The following ADGRL3 variants were observed in gnomAD, a reference collection of about 807,000 sequenced individuals.
ADGRL3 encodes calcium-independent alpha-latrotoxin receptor 3.
ADGRL3 carries 62 observed loss-of-function variants against 153.5 expected under a neutral mutation model. That is an observed-to-expected ratio of 0.40 (90% CI 0.33 to 0.50). The LOEUF (loss-of-function observed/expected upper bound fraction) is 0.50. ADGRL3 is among the 20% of genes least tolerant of loss of function. The pLI, the probability that ADGRL3 is intolerant of heterozygous loss-of-function variation, is 0.47. For synonymous variants in ADGRL3, 710 were observed against 672.5 expected (o/e 1.06, Z -0.86); for missense variants, 1,641 against 1,859.4 (o/e 0.88, Z 2.16).
chr4:61,444,617 T>A, intron 2 of ADGRL3, among the ~76,000 whole-genome samples: 1 of 152,282 alleles, frequency 6.6e-6, no homozygotes, highest in Middle Eastern at 3.4e-3. Flanking sequence ...CCCTCTCCCA[T>A]GCATATGTTC....
intron 25 of ADGRL3, among the ~76,000 whole-genome samples, chr4:62,051,172 A>C (rs1214976168): frequency 1.7e-5 from 2 of 118,194 alleles, no homozygotes; most frequent in Non-Finnish European, 3.8e-5. Flanking sequence ...GTGTGTGTAT[A>C]TATATATATA....
rs531279924 is a variant in ADGRL3 at position 61,954,330 on chromosome 4, G to A, written c.2805+6054G>A. On this transcript the variant is annotated intron_variant, in intron 17 of 26. Coordinates refer to ENST00000683033, the MANE Select transcript of ADGRL3 (RefSeq NM_001387552.1). The stretch of plus-strand genomic sequence containing the variant: ...TTCTCAACATCCTCCCTACCACCTA[G>A]GTTTAAACCTCTATCATCTCCCCTC... Among the ~76,000 whole-genome samples, 3 of 151,688 alleles carry A rather than the reference G, an allele frequency of 2.0e-5. No homozygotes were observed. In the South Asian group the frequency reaches 6.3e-4, roughly 32 times the overall value.
chr4:61,248,093 C>T (rs1757794755), intron 1 of ADGRL3, among the ~76,000 whole-genome samples: 1 of 152,066 alleles, frequency 6.6e-6, no homozygotes, highest in Non-Finnish European at 1.5e-5. Flanking sequence ...GGGCGAACTG[C>T]TCTATGTGTG....
intron 8 of ADGRL3, among the ~76,000 whole-genome samples, chr4:61,776,295 C>G (rs1422038313): frequency 6.6e-6 from 1 of 152,208 alleles, no homozygotes; most frequent in Non-Finnish European, 1.5e-5. Flanking sequence ...GTAAAATTTT[C>G]TAAACCTAAC....
intron 17 of ADGRL3, among the ~76,000 whole-genome samples, chr4:61,952,020 T>C (rs2098949068): frequency 6.6e-6 from 1 of 152,192 alleles, no homozygotes; most frequent in South Asian, 2.1e-4. Context: ...AAGATATAAA[T>C]GGCTTATTAC....
At chr4:61,741,845 G>A (rs1050927835) in intron 8 of ADGRL3, among the ~76,000 whole-genome samples, 8 of 152,212 alleles carry the variant, frequency 5.3e-5, no homozygotes, top group Non-Finnish European at 7.3e-5. Context: ...ACGCTCTAAC[G>A]TTAGTTGTGT....
chr4:61,972,504 T>C (rs2150687490), intron 17 of ADGRL3, among the ~76,000 whole-genome samples: 1 of 152,276 alleles, frequency 6.6e-6, no homozygotes, highest in Non-Finnish European at 1.5e-5. Context: ...TCTGTTCTGT[T>C]CCATTGATCT....
At chr4:61,964,528 T>C (rs1267873124) in intron 17 of ADGRL3, among the ~76,000 whole-genome samples, 2 of 152,018 alleles carry the variant, frequency 1.3e-5, no homozygotes, top group Non-Finnish European at 2.9e-5. Flanking sequence ...CATAATGAAA[T>C]TGTCTAATAA....
At chr4:61,266,174 T>C (rs1162424206) in intron 1 of ADGRL3, among the ~76,000 whole-genome samples, 2 of 151,792 alleles carry the variant, frequency 1.3e-5, no homozygotes, top group Admixed American at 6.6e-5. Context: ...TTCTGCTTCA[T>C]GCCTCCTCTA....
At chr4:61,908,456 G>C (rs184508206) in intron 11 of ADGRL3, among the ~76,000 whole-genome samples, 97 of 152,084 alleles carry the variant, frequency 6.4e-4, no homozygotes, top group Non-Finnish European at 8.2e-4. Flanking sequence ...AATTAGCTGA[G>C]CATGGTGGCG....
At chr4:61,349,866 A>C (rs2096004177) in intron 1 of ADGRL3, among the ~76,000 whole-genome samples, 1 of 152,144 alleles carries the variant, frequency 6.6e-6, no homozygotes, top group Admixed American at 6.5e-5. Context: ...AGATGAATGA[A>C]TGACTATTTC....
At chr4:62,063,753 C>G in intron 25 of ADGRL3, 1 of 476,670 alleles carries the variant, frequency 2.1e-6, no homozygotes, top group Admixed American at 3.6e-5. Context: ...CCTGCAGACT[C>G]CTTTCGCATT....
intron 8 of ADGRL3, among the ~76,000 whole-genome samples, chr4:61,757,716 G>A (rs1222149585): frequency 6.6e-6 from 1 of 152,074 alleles, no homozygotes; most frequent in African/African-American, 2.4e-5. Flanking sequence ...TGATGTTAGG[G>A]TGTAAATTTT....
intron 9 of ADGRL3, among the ~76,000 whole-genome samples, chr4:61,870,021 AAG>A: frequency 6.8e-6 from 1 of 147,684 alleles, no homozygotes; most frequent in East Asian, 2.0e-4. Flanking sequence ...AAAGGAAAGA[AAG>A]AAGAAAGAAA....
At chr4:61,971,025 A>T (rs2099025182) in intron 17 of ADGRL3, among the ~76,000 whole-genome samples, 1 of 152,162 alleles carries the variant, frequency 6.6e-6, no homozygotes, top group Admixed American at 6.6e-5. Context: ...GCTCATGGAT[A>T]TGTTAGTAGT....
intron 22 of ADGRL3, 62 bp downstream of exon 22, chr4:62,028,943 T>C: frequency 7.1e-7 from 1 of 1,417,580 alleles, no homozygotes; most frequent in Non-Finnish European, 9.8e-7. Context: ...GAACCAGCTG[T>C]CAGATCAGTA....
chr4:61,981,592 A>C (rs2150841546), intron 18 of ADGRL3, among the ~76,000 whole-genome samples: 1 of 152,324 alleles, frequency 6.6e-6, no homozygotes, highest in African/African-American at 2.4e-5. Context: ...AACAGAAAAT[A>C]TAAATAATAG....
intron 1 of ADGRL3, among the ~76,000 whole-genome samples, chr4:61,326,768 C>T (rs1004885766): frequency 1.4e-4 from 21 of 151,860 alleles, no homozygotes; most frequent in African/African-American, 5.1e-4. Context: ...AAATTTTCAA[C>T]ACAGTATGTG....
chr4:61,914,259 C>T (rs1195930125), intron 13 of ADGRL3, among the ~76,000 whole-genome samples: 2 of 152,044 alleles, frequency 1.3e-5, no homozygotes, highest in East Asian at 1.9e-4. Context: ...GTTGGCCAAA[C>T]GTGTCTATTA....
Sources: allele counts gnomAD v4.1 joint callset (sites outside exome capture counted in the v4.1 genomes callset), GRCh38; gene constraint gnomAD v4.1.1; transcripts MANE v1.5; gene names NCBI Gene and HGNC (gene_info 2026-07-23, HGNC 2026-07-21).